ITGA11: variants seen among roughly 807,000 people sequenced by gnomAD.
ITGA11 encodes integrin subunit alpha 11.
ITGA11 carries 97 observed loss-of-function variants against 141.9 expected under a neutral mutation model. The observed-to-expected ratio is 0.68, with a 90% CI of 0.58 to 0.81. The LOEUF (loss-of-function observed/expected upper bound fraction) is 0.81, where lower values mean the gene tolerates loss of function less well. Ranked by LOEUF, ITGA11 falls within the 30% of genes least tolerant of loss-of-function variation. The pLI is 0.00. For missense variants in ITGA11, 1,387 were observed against 1,559.2 expected, an observed-to-expected ratio of 0.89 and a Z score of 1.86; for synonymous variants, 658 against 624.6, an observed-to-expected ratio of 1.05 and a Z score of -0.80.
intron 10 of ITGA11, among the ~76,000 whole-genome samples, chr15:68,341,110 G>C (rs1227845494): frequency 1.3e-5 from 2 of 152,194 alleles, no homozygotes; most frequent in Admixed American, 6.5e-5. Context: ...ACCCTCCAGA[G>C]GTAGAACTGA....
rs1336398027 is a variant in ITGA11 at position 68,325,053 on chromosome 15, A to G, written c.2322+78T>C. On this transcript the variant is annotated intron_variant, in intron 18 of 29. Transcript: ENST00000315757. This position sits in a 1 kb window ranked among gnomAD's most constrained non-coding sequence, Gnocchi z 5.5. ...GGTGTCCTCTGTACCCGGCACACTC[A>G]GGCTCTGGGCTTTGGGGTTGAGGTG... is the stretch of plus-strand genomic sequence containing the variant. The G allele has an allele frequency of 1.6e-5, 16 of 1,019,036 alleles. No homozygotes were observed. Among genetic ancestry groups the G allele is most frequent in the Non-Finnish European group, 2.4e-5 (16 of 658,722 alleles). The allele number at this position is 1,019,036 out of a possible 1,614,324, so 63.1% of individuals were successfully genotyped here.
chr15:68,342,464 C>T (rs1416250912), intron 10 of ITGA11, among the ~76,000 whole-genome samples: 2 of 152,354 alleles, frequency 1.3e-5, no homozygotes, highest in East Asian at 3.9e-4. Context: ...GCTGTGCCTT[C>T]CCAAAGGACG....
In ITGA11 at chr15:68,296,872, T is replaced by G. The variant is rs1179146817; in HGVS notation, c.*6187A>C. On this transcript the variant is annotated 3_prime_UTR_variant, in exon 30 of 30. Coordinates refer to ENST00000315757, the MANE Select transcript of ITGA11 (RefSeq NM_001004439.2). ...TATTTGAAAAAGACACTTTTATGGC[T>G]TCCCTTCCCTTCTTTCTCCTTCTCT... The G allele has an allele frequency of 6.6e-6, 1 of 152,058 alleles. No homozygotes were observed. The highest frequency in any genetic ancestry group is 1.5e-5 in the Non-Finnish European group (1 of 68,002). 9.4% of individuals were successfully genotyped at this position (152,058 alleles called of 1,614,324 possible).
chr15:68,310,208 TA>T (rs1280321324), intron 26 of ITGA11, among the ~76,000 whole-genome samples: 2 of 152,218 alleles, frequency 1.3e-5, no homozygotes, highest in Non-Finnish European at 2.9e-5. Context: ...TCATTTATAA[TA>T]TAAGGATTAA....
At chr15:68,332,976 A>G (rs34899976) in intron 12 of ITGA11, among the ~76,000 whole-genome samples, 3,464 of 152,318 alleles carry the variant, frequency 0.023, 143 homozygotes, top group African/African-American at 0.077. Context: ...TTTAAATAAA[A>G]CAATACATCA....
chr15:68,390,377 G>A lies in ITGA11; in HGVS notation c.164+12541C>T, dbSNP rs566225647. Among the ~76,000 whole-genome samples the A allele has an allele frequency of 6.7e-4, 102 of 152,256 alleles. No homozygotes were observed. The South Asian group carries it at 0.015, about 23-fold the overall frequency. On this transcript the variant is annotated intron_variant, in intron 2 of 29. Coordinates refer to ENST00000315757, the MANE Select transcript of ITGA11 (RefSeq NM_001004439.2). The stretch of plus-strand genomic sequence containing the variant: ...GTGCCTGAGGTGGGAGTCAGCGGTG[G>A]ATTCTTCCCTGGGGGCAATGCTGGG...
At chr15:68,371,354 C>G (rs1331274268) in intron 2 of ITGA11, among the ~76,000 whole-genome samples, 1 of 152,164 alleles carries the variant, frequency 6.6e-6, no homozygotes, top group African/African-American at 2.4e-5. Context: ...GGCACTGTTG[C>G]CAGATGGAGG....
chr15:68,383,003 G>A (rs963857289), intron 2 of ITGA11, among the ~76,000 whole-genome samples: 1 of 152,172 alleles, frequency 6.6e-6, no homozygotes, highest in African/African-American at 2.4e-5. Context: ...CAGGCGTGGT[G>A]GCTCACGCCT....
chr15:68,301,069 C>A lies in ITGA11; in HGVS notation c.*1990G>T, dbSNP rs1173192436. ...ATTTCCTTCTGATTCTATTAGAAGGCAATGGGTTTTGATACTCAAATTTTA... is the reference window on the plus strand; with the variant it reads ...ATTTCCTTCTGATTCTATTAGAAGGAAATGGGTTTTGATACTCAAATTTTA... On this transcript the variant is annotated 3_prime_UTR_variant, in exon 30 of 30. Transcript: ENST00000315757. This position sits in a 1 kb window ranked among gnomAD's most constrained non-coding sequence, Gnocchi z 4.4. 1.3e-5 allele frequency: 2 copies of A among 152,178 alleles called. No homozygotes were observed. Among genetic ancestry groups the A allele is most frequent in the Non-Finnish European group, 2.9e-5 (2 of 68,032 alleles). The allele number at this position is 152,178 out of a possible 1,614,324, so 9.4% of individuals were successfully genotyped here.
intron 12 of ITGA11, among the ~76,000 whole-genome samples, chr15:68,334,858 G>A (rs1015425638): frequency 5.3e-5 from 8 of 152,324 alleles, no homozygotes; most frequent in African/African-American, 1.7e-4. Flanking sequence ...GCTGGCCCTG[G>A]GTGAGTGTGG....
intron 1 of ITGA11, among the ~76,000 whole-genome samples, chr15:68,411,445 G>A (rs549635752): frequency 1.1e-4 from 17 of 152,324 alleles, no homozygotes; most frequent in Non-Finnish European, 1.8e-4. Context: ...AACAGGCAGA[G>A]CACAGGAGAC....
At chr15:68,353,141 G>A (rs1193571520) in intron 7 of ITGA11, among the ~76,000 whole-genome samples, 5 of 152,204 alleles carry the variant, frequency 3.3e-5, no homozygotes, top group African/African-American at 9.7e-5. Flanking sequence ...CTCTTCTTAC[G>A]CAGCACGCTG....
At chr15:68,314,406 T>C (rs1173776092) in intron 22 of ITGA11, among the ~76,000 whole-genome samples, 1 of 152,204 alleles carries the variant, frequency 6.6e-6, no homozygotes, top group Non-Finnish European at 1.5e-5. Context: ...GGGGGGGTTC[T>C]GTCCAGTGTG....
At position 68,339,354 on chromosome 15, in the gene ITGA11, G is replaced by T. The variant is rs970585229; in HGVS notation, c.1276+146C>A. 36 of 867,024 alleles carry T rather than the reference G, an allele frequency of 4.2e-5. No homozygotes were observed. In the South Asian group the frequency reaches 6.1e-4, roughly 15 times the overall value. 53.7% of individuals were successfully genotyped at this position (867,024 alleles called of 1,614,324 possible). On this transcript the variant is annotated intron_variant, in intron 11 of 29. Transcript: ENST00000315757. ...ACCAGGGTGGAGAGGAAATGCCCCCGGGGATGCTCTTCAGAGTTGGGTGCT... is the reference window on the plus strand; with the variant it reads ...ACCAGGGTGGAGAGGAAATGCCCCCTGGGATGCTCTTCAGAGTTGGGTGCT...
intron 2 of ITGA11, among the ~76,000 whole-genome samples, chr15:68,399,763 C>T (rs1008357800): frequency 6.6e-6 from 1 of 151,964 alleles, no homozygotes; most frequent in African/African-American, 2.4e-5. Context: ...TACACATGGA[C>T]ATAAAGATGG....
At chr15:68,380,474 C>T (rs1297262356) in intron 2 of ITGA11, among the ~76,000 whole-genome samples, 1 of 152,172 alleles carries the variant, frequency 6.6e-6, no homozygotes, top group East Asian at 1.9e-4. Context: ...CAGCCTAACC[C>T]CTAGCCCAGT....
intron 1 of ITGA11, among the ~76,000 whole-genome samples, chr15:68,430,444 G>A (rs1897243147): frequency 6.6e-6 from 1 of 152,196 alleles, no homozygotes; most frequent in African/African-American, 2.4e-5. Context: ...AGGGTGCAGA[G>A]CCAGAAGTGG....
At chr15:68,377,392 C>A (rs935313589) in intron 2 of ITGA11, among the ~76,000 whole-genome samples, 3 of 152,166 alleles carry the variant, frequency 2.0e-5, no homozygotes, top group African/African-American at 7.2e-5. Context: ...CCTGCCTCAG[C>A]CTCCCGAGTA....
chr15:68,428,499 G>A (rs377740983), intron 1 of ITGA11, among the ~76,000 whole-genome samples: 7 of 152,280 alleles, frequency 4.6e-5, no homozygotes, highest in East Asian at 1.9e-4. Flanking sequence ...GTCATGGTGA[G>A]TAAGCAGAAA....
Sources: allele counts gnomAD v4.1 joint callset (sites outside exome capture counted in the v4.1 genomes callset), GRCh38; gene constraint gnomAD v4.1.1; non-coding constraint Gnocchi (gnomAD v3.1); transcripts MANE v1.5; gene names NCBI Gene and HGNC (gene_info 2026-07-23, HGNC 2026-07-21).